The following DEFB119 variants were observed in gnomAD, a reference collection of about 807,000 sequenced individuals.
The protein encoded by DEFB119 is beta-defensin 119.
Under a neutral mutation model 2.5 loss-of-function variants are expected in DEFB119, and 3 were observed. The observed-to-expected ratio is 1.19, with a 90% CI of 0.54 to 3.07. DEFB119 has a LOEUF of 3.07. DEFB119 is among the 30% of genes most tolerant of loss of function. The pLI, the probability that DEFB119 is intolerant of heterozygous loss-of-function variation, is 0.03. For synonymous variants in DEFB119, 29 were observed against 33.7 expected, an observed-to-expected ratio of 0.86 and a Z score of 0.48; for missense variants, 113 against 101.1, an observed-to-expected ratio of 1.12 and a Z score of -0.50.
intron 1 of DEFB119, among the ~76,000 whole-genome samples, chr20:31,378,941 C>CT (rs56082233): frequency 0.078 from 11,230 of 143,490 alleles, 1,028 homozygotes; most frequent in African/African-American, 0.22. Flanking sequence ...AAAGTGGACA[C>CT]TTTTTTTTTT....
In DEFB119 at chr20:31,377,520, C is replaced by T. The variant is rs1304532893; in HGVS notation, c.62-81G>A. Reference sequence around the variant, plus strand: ...GATAAGTCGGGAAGCATCATAAAAACCTAAAGGGGGAGCAGGGAGAAAACC... The same window carrying T: ...GATAAGTCGGGAAGCATCATAAAAATCTAAAGGGGGAGCAGGGAGAAAACC... On this transcript the variant is annotated intron_variant, in intron 1 of 1. Transcript: ENST00000376321. 21 of 1,459,722 alleles carry T rather than the reference C, an allele frequency of 1.4e-5. No homozygotes were observed. The East Asian group carries it at 4.4e-4, about 30-fold the overall frequency. The allele number at this position is 1,459,722 out of a possible 1,614,324, so 90.4% of individuals were successfully genotyped here. A position where few individuals can be genotyped will look rare whatever the true frequency, so the allele number is the denominator to read the frequency against.
intron 1 of DEFB119, among the ~76,000 whole-genome samples, chr20:31,388,741 C>A (rs998177111): frequency 6.6e-6 from 1 of 152,098 alleles, no homozygotes; most frequent in African/African-American, 2.4e-5. Flanking sequence ...ATCTGCTATG[C>A]CTTTAAATCT....
At chr20:31,382,263 A>G (rs573665722) in intron 1 of DEFB119, among the ~76,000 whole-genome samples, 12 of 152,298 alleles carry the variant, frequency 7.9e-5, no homozygotes, top group African/African-American at 2.9e-4. Flanking sequence ...ATATCAATAA[A>G]TAACCTAAGG....
intron 1 of DEFB119, chr20:31,388,438 A>AC: frequency 2.4e-6 from 1 of 420,450 alleles, no homozygotes; most frequent in Non-Finnish European, 3.2e-6. Flanking sequence ...AGAGTCTGCC[A>AC]GTAGTAAGTG....
chr20:31,390,369 A>G (rs970176534), intron 1 of DEFB119, 54 bp downstream of exon 1: 1 of 1,534,910 alleles, frequency 6.5e-7, no homozygotes, highest in Non-Finnish European at 9.0e-7. Flanking sequence ...AGGGAAGGGA[A>G]AGACGGGAAG....
intron 1 of DEFB119, among the ~76,000 whole-genome samples, chr20:31,386,798 C>CTTTTTG (rs1341959350): frequency 7.5e-6 from 1 of 132,592 alleles, no homozygotes; most frequent in Admixed American, 7.3e-5. Context: ...TTTTCTTTTT[C>CTTTTTG]TTTTTCTTTT....
rs1314851968 is a variant in DEFB119 at position 31,389,516 on chromosome 20, A to G, written c.61+907T>C. 2.6e-5 allele frequency among the ~76,000 whole-genome samples: 4 copies of G among 152,116 alleles called. No homozygotes were observed. In the East Asian group the frequency reaches 7.7e-4, roughly 29 times the overall value. On this transcript the variant is annotated intron_variant, in intron 1 of 1. Transcript: ENST00000376321. ...CTTCCTACTCCTTACTTTGGAATCA[A>G]CTGAAGCTAATTAATGTCCCACCTA...
Position 31,377,194 on chromosome 20 carries a change from T to A in DEFB119, c.*52A>T. 2.0e-6 allele frequency: 3 copies of A among 1,508,606 alleles called. No individual in the cohort carries two copies. The highest frequency in any genetic ancestry group is 2.3e-5 in the East Asian group (1 of 43,094). 93.5% of individuals were successfully genotyped at this position (1,508,606 alleles called of 1,614,324 possible). A position where few individuals can be genotyped will look rare whatever the true frequency, so the allele number is the denominator to read the frequency against. On this transcript the variant is annotated 3_prime_UTR_variant, in exon 2 of 2. Transcript: ENST00000376321. ...GGCACATGAATTTTAATGAGGGGGG[T>A]TGACAGCAGGTCTCTGTGCCCAGAG... is the stretch of plus-strand genomic sequence containing the variant.
chr20:31,390,413 T>C lies in DEFB119; in HGVS notation c.61+10A>G, dbSNP rs2206381. ...CAGGAACCCAGACCCCCGAGAGAGG[T>C]TCACGTTACCTGATATCACTGGTTC... On this transcript the variant is annotated intron_variant, in intron 1 of 1. Coordinates refer to ENST00000376321, the MANE Select transcript of DEFB119 (RefSeq NM_153289.4). The C allele has an allele frequency of 0.83, 1,332,159 of 1,609,482 alleles. 552,426 individuals are homozygous for C. The highest frequency in any genetic ancestry group is 0.88 in the African/African-American group (65,520 of 74,588).
At chr20:31,378,299 C>T (rs998865954) in intron 1 of DEFB119, 65 of 1,613,716 alleles carry the variant, frequency 4.0e-5, no homozygotes, top group Non-Finnish European at 5.2e-5. Flanking sequence ...GAACATCCCT[C>T]CCCATCCCAA....
chr20:31,388,933 A>G, intron 1 of DEFB119: 1 of 1,516,822 alleles, frequency 6.6e-7, no homozygotes, highest in Non-Finnish European at 8.9e-7. Flanking sequence ...AATCCATTTG[A>G]AGTATCATTC....
At chr20:31,381,356 T>C (rs1195328944) in intron 1 of DEFB119, among the ~76,000 whole-genome samples, 2 of 152,282 alleles carry the variant, frequency 1.3e-5, no homozygotes. Flanking sequence ...TAGGATTTTC[T>C]ACATAAACCA....
chr20:31,377,505 G>A, intron 1 of DEFB119, 66 bp from the exon 2 acceptor site: 1 of 1,527,810 alleles, frequency 6.5e-7, no homozygotes, highest in Non-Finnish European at 8.8e-7. Context: ...GATAAGTCGG[G>A]AAGCATCATA....
chr20:31,390,524 G>T lies in DEFB119; in HGVS notation c.-41C>A. ...GAGGAGGAGGTGGCTGAGCTGCAGG[G>T]GAAGGAAATAGGGTTCCCTGCAGCA... is the stretch of plus-strand genomic sequence containing the variant. On this transcript the variant is annotated 5_prime_UTR_variant, in exon 1 of 2. Coordinates refer to ENST00000376321, the MANE Select transcript of DEFB119 (RefSeq NM_153289.4). 6.2e-7 allele frequency: 1 copy of T among 1,601,776 alleles called. No homozygotes were observed. Among genetic ancestry groups the T allele is most frequent in the South Asian group, 1.1e-5 (1 of 90,548 alleles).
chr20:31,381,274 C>G (rs1986496439), intron 1 of DEFB119, among the ~76,000 whole-genome samples: 1 of 152,146 alleles, frequency 6.6e-6, no homozygotes, highest in South Asian at 2.1e-4. Flanking sequence ...TATCCTGGGA[C>G]CTTACTGAAC....
At chr20:31,388,872 G>A in intron 1 of DEFB119, 1 of 1,382,488 alleles carries the variant, frequency 7.2e-7, no homozygotes, top group Non-Finnish European at 9.8e-7. Flanking sequence ...CCCAGCCCTA[G>A]TGACTTCTCT....
chr20:31,378,106 G>A (rs953673489), intron 1 of DEFB119, among the ~76,000 whole-genome samples: 2 of 152,172 alleles, frequency 1.3e-5, no homozygotes, highest in African/African-American at 4.8e-5. Context: ...ATGCAGTGTC[G>A]ATAGGAATCA....
intron 1 of DEFB119, among the ~76,000 whole-genome samples, chr20:31,385,456 G>A (rs1471538548): frequency 5.3e-5 from 8 of 151,536 alleles, no homozygotes. Flanking sequence ...TCACCTCTCT[G>A]GACTTCAGTT....
chr20:31,387,880 C>T (rs1015214394), intron 1 of DEFB119, among the ~76,000 whole-genome samples: 1 of 152,146 alleles, frequency 6.6e-6, no homozygotes, highest in Non-Finnish European at 1.5e-5. Context: ...TGAGGAGGGA[C>T]TTAGCCAGAG....
Sources: allele counts gnomAD v4.1 joint callset (sites outside exome capture counted in the v4.1 genomes callset), GRCh38; gene constraint gnomAD v4.1.1; transcripts MANE v1.5; gene names NCBI Gene and HGNC (gene_info 2026-07-23, HGNC 2026-07-21).